Variants in MAP3K9 observed in about 807,000 individuals in gnomAD.
MAP3K9 encodes mixed lineage kinase 1 (tyr and ser/thr specificity).
In MAP3K9, 46 loss-of-function variants were observed where a neutral mutation model predicts 95.8. That is an observed-to-expected ratio of 0.48 (90% CI 0.38 to 0.61). The LOEUF (loss-of-function observed/expected upper bound fraction) is 0.61, where lower values mean the gene tolerates loss of function less well. MAP3K9 is among the 20% of genes least tolerant of loss of function. The pLI is 0.00. For missense variants in MAP3K9, 1,296 were observed against 1,474.3 expected (o/e 0.88, Z 1.98); for synonymous variants, 533 against 593.8 (o/e 0.90, Z 1.49).
At chr14:70,746,696 G>C (rs1327799978) in intron 5 of MAP3K9, among the ~76,000 whole-genome samples, 1 of 152,190 alleles carries the variant, frequency 6.6e-6, no homozygotes, top group Admixed American at 6.5e-5. Flanking sequence ...CATTAAATAA[G>C]ATAATTCATA....
intron 3 of MAP3K9, among the ~76,000 whole-genome samples, chr14:70,756,056 T>A (rs1022846372): frequency 1.3e-5 from 2 of 152,208 alleles, no homozygotes; most frequent in Non-Finnish European, 2.9e-5. Flanking sequence ...GGGCAAGACC[T>A]AGAGGTTAGT....
intron 2 of MAP3K9, among the ~76,000 whole-genome samples, chr14:70,798,745 TG>T (rs1249917855): frequency 6.6e-6 from 1 of 152,094 alleles, no homozygotes; most frequent in African/African-American, 2.4e-5. Flanking sequence ...CCCAAAGTGC[TG>T]GGATTACAGG....
intron 2 of MAP3K9, among the ~76,000 whole-genome samples, chr14:70,793,938 C>G (rs905017763): frequency 1.3e-5 from 2 of 152,160 alleles, no homozygotes; most frequent in Non-Finnish European, 2.9e-5. Context: ...AGCCATTAGA[C>G]CAGGGGTTCT....
intron 2 of MAP3K9, among the ~76,000 whole-genome samples, chr14:70,778,769 A>G (rs1369970651): frequency 1.3e-5 from 2 of 152,238 alleles, no homozygotes; most frequent in African/African-American, 4.8e-5. Flanking sequence ...TTACAGATGA[A>G]GAAGCTGTGG....
At chr14:70,739,546 A>AT (rs955521795) in intron 7 of MAP3K9, among the ~76,000 whole-genome samples, 1 of 151,224 alleles carries the variant, frequency 6.6e-6, no homozygotes, top group African/African-American at 2.4e-5. Context: ...ATGTGTGAGT[A>AT]TTTTTTTTAA....
chr14:70,784,508 C>T (rs1394861465), intron 2 of MAP3K9, among the ~76,000 whole-genome samples: 1 of 152,036 alleles, frequency 6.6e-6, no homozygotes, highest in Non-Finnish European at 1.5e-5. Context: ...TTTGGGAGGC[C>T]GAGGTGGGCA....
intron 1 of MAP3K9, among the ~76,000 whole-genome samples, chr14:70,807,335 CA>C (rs112063890): frequency 6.2e-4 from 95 of 152,168 alleles, no homozygotes; most frequent in African/African-American, 1.7e-3. Context: ...ACTAAAAATG[CA>C]AAAATTAGCC....
In MAP3K9 at chr14:70,726,543, C is replaced by T. The variant is rs1237826395; in HGVS notation, c.*3837G>A. The T allele has an allele frequency of 2.0e-5, 3 of 152,262 alleles. No homozygotes were observed. Among genetic ancestry groups the T allele is most frequent in the Admixed American group, 2.0e-4 (3 of 15,286 alleles). 9.4% of individuals were successfully genotyped at this position (152,262 alleles called of 1,614,324 possible). A position where few individuals can be genotyped will look rare whatever the true frequency, so the allele number is the denominator to read the frequency against. ...CTCCCATTTCCTTCTCTGTAAGACA[C>T]AAGTGGTGAGGATGACATTGGCAGA... On this transcript the variant is annotated 3_prime_UTR_variant, in exon 12 of 12. Transcript: ENST00000554752.
intron 3 of MAP3K9, among the ~76,000 whole-genome samples, chr14:70,756,517 C>T (rs372787191): frequency 6.6e-6 from 1 of 152,216 alleles, no homozygotes; most frequent in Non-Finnish European, 1.5e-5. Flanking sequence ...GTACATTTTT[C>T]TGCCTCCCTT....
Position 70,732,851 on chromosome 14 carries a change from T to C in MAP3K9, c.2518A>G (p.Ile840Val), listed in dbSNP as rs369776021. 2.5e-6 allele frequency: 4 copies of C among 1,613,852 alleles called. No individual in the cohort carries two copies. The highest frequency in any genetic ancestry group is 2.7e-5 in the African/African-American group (2 of 74,998). Residue 840 changes from isoleucine (I) to valine (V), a missense_variant, in exon 11 of 12, where the codon ATC becomes GTC. Ile to Val is a conservative substitution (Grantham distance 29). Around this residue, in one of 5 missense-constraint regions of MAP3K9, gnomAD observed 433 missense variants for 441.4 expected, o/e 0.98. Coordinates refer to ENST00000554752, the MANE Select transcript of MAP3K9 (RefSeq NM_001284230.2). ...GAGCGTGTGGAGTTGCACTCGGAGA[T>C]GGAGGAGAGGGAGAGCAGCGTCAGG... ...ASLTLLSLSS[I>V]SECNSTRSLL... is the part of the protein sequence containing the mutation.
At chr14:70,788,478 A>G (rs1231408938) in intron 2 of MAP3K9, among the ~76,000 whole-genome samples, 1 of 152,226 alleles carries the variant, frequency 6.6e-6, no homozygotes, top group African/African-American at 2.4e-5. Context: ...TACATCTGCA[A>G]AAGCTAAGCC....
intron 2 of MAP3K9, among the ~76,000 whole-genome samples, chr14:70,775,216 G>A (rs987678850): frequency 5.9e-5 from 9 of 151,794 alleles, no homozygotes; most frequent in Non-Finnish European, 7.4e-5. Flanking sequence ...TATGTCCCAG[G>A]TGCAATACTA....
intron 5 of MAP3K9, among the ~76,000 whole-genome samples, chr14:70,743,366 A>T (rs2054102586): frequency 6.6e-6 from 1 of 152,174 alleles, no homozygotes; most frequent in East Asian, 1.9e-4. Context: ...AATGGGATCT[A>T]ATTAAACTAA....
intron 8 of MAP3K9, among the ~76,000 whole-genome samples, chr14:70,737,163 TA>T (rs2053997071): frequency 1.3e-5 from 2 of 152,306 alleles, no homozygotes; most frequent in South Asian, 4.1e-4. Flanking sequence ...ATATGAAGTA[TA>T]AACGGTTCCG....
At chr14:70,799,342 TTTTG>T (rs2054902798) in intron 2 of MAP3K9, among the ~76,000 whole-genome samples, 1 of 151,886 alleles carries the variant, frequency 6.6e-6, no homozygotes, top group Non-Finnish European at 1.5e-5. Flanking sequence ...AATGTAGTTT[TTTTG>T]TTTGTTTTTT....
chr14:70,739,231 G>A (rs941222072), intron 7 of MAP3K9, among the ~76,000 whole-genome samples: 6 of 152,318 alleles, frequency 3.9e-5, no homozygotes, highest in African/African-American at 1.2e-4. Flanking sequence ...CTGCATTCAA[G>A]CGATTCTCTT....
Position 70,763,952 on chromosome 14 carries a change from G to A in MAP3K9, c.821-2770C>T, listed in dbSNP as rs568287082. 1.4e-3 allele frequency among the ~76,000 whole-genome samples: 210 copies of A among 151,106 alleles called. 2 individuals are homozygous for A. The highest frequency in any genetic ancestry group is 3.4e-3 in the Middle Eastern group (1 of 292). On this transcript the variant is annotated intron_variant, in intron 2 of 11. Transcript: ENST00000554752. ...TGTAATCCCAGCACTTTGGGAGGCC[G>A]AGGCGGGTGGATCATGAGGTCAGGA...
At chr14:70,753,625 C>G (rs2054259807) in intron 3 of MAP3K9, among the ~76,000 whole-genome samples, 1 of 152,152 alleles carries the variant, frequency 6.6e-6, no homozygotes, top group Non-Finnish European at 1.5e-5. Context: ...TGCAAGCAGC[C>G]TGGAAGAACT....
At chr14:70,739,956 A>C in intron 7 of MAP3K9, 86 bp downstream of exon 7, 1 of 1,614,200 alleles carries the variant, frequency 6.2e-7, no homozygotes, top group Non-Finnish European at 8.5e-7. Flanking sequence ...GGATGGAGCA[A>C]GCCTGGACCA....
Sources: gnomAD v4.1 joint callset for allele counts (sites outside exome capture counted in the v4.1 genomes callset) on GRCh38, gnomAD v4.1.1 for gene constraint, gnomAD v4.1.1 regional missense constraint, MANE v1.5 for transcripts, NCBI Gene and HGNC (gene_info 2026-07-23, HGNC 2026-07-21) for gene names.